GPC6: variants seen among roughly 807,000 people sequenced by gnomAD.
GPC6 encodes the protein glypican-6.
Under a neutral mutation model 55.2 loss-of-function variants are expected in GPC6, and 14 were observed. That is an observed-to-expected ratio of 0.25 (90% CI 0.17 to 0.40). The LOEUF (loss-of-function observed/expected upper bound fraction) is 0.40, where lower values mean the gene tolerates loss of function less well. GPC6 is among the 10% of genes least tolerant of loss of function. GPC6 has a pLI of 1.00. For missense variants in GPC6, 641 were observed against 708.5 expected (o/e 0.90, Z 1.08); for synonymous variants, 278 against 259.6 (o/e 1.07, Z -0.68).
At chr13:93,439,404 A>C (rs2139285833) in intron 1 of GPC6, among the ~76,000 whole-genome samples, 1 of 152,230 alleles carries the variant, frequency 6.6e-6, no homozygotes, top group Non-Finnish European at 1.5e-5. Flanking sequence ...AAGTCTCATA[A>C]GATTTGATGA....
intron 2 of GPC6, among the ~76,000 whole-genome samples, chr13:93,580,899 T>C (rs1045804303): frequency 3.9e-5 from 6 of 152,298 alleles, no homozygotes; most frequent in African/African-American, 1.4e-4. Flanking sequence ...TTTTACAAAA[T>C]GTATTGTTCT....
intron 3 of GPC6, among the ~76,000 whole-genome samples, chr13:93,839,197 G>A (rs1271652276): frequency 6.6e-6 from 1 of 152,060 alleles, no homozygotes; most frequent in Admixed American, 6.5e-5. Context: ...TTAATTGGTT[G>A]GGAAGTTAAC....
chr13:93,785,526 G>A (rs1236656255), intron 2 of GPC6, among the ~76,000 whole-genome samples: 1 of 152,182 alleles, frequency 6.6e-6, no homozygotes, highest in Non-Finnish European at 1.5e-5. Context: ...GATTTGAGAA[G>A]CATCAATTTC....
intron 3 of GPC6, among the ~76,000 whole-genome samples, chr13:93,865,651 T>C (rs1349872321): frequency 6.6e-6 from 1 of 151,724 alleles, no homozygotes; most frequent in Non-Finnish European, 1.5e-5. Flanking sequence ...TATATTTACC[T>C]TCTCTCATCA....
intron 6 of GPC6, among the ~76,000 whole-genome samples, chr13:94,353,550 A>G (rs201238700): frequency 1.3e-5 from 2 of 152,142 alleles, no homozygotes; most frequent in East Asian, 1.9e-4. Context: ...CTGAGAAAAA[A>G]GAGTGAAAGT....
chr13:93,693,774 A>C (rs988522074), intron 2 of GPC6, among the ~76,000 whole-genome samples: 2 of 152,158 alleles, frequency 1.3e-5, no homozygotes, highest in Non-Finnish European at 2.9e-5. Context: ...GGAGTGAACC[A>C]CTGTGCCCAG....
chr13:93,886,364 A>G (rs554269743), intron 3 of GPC6, among the ~76,000 whole-genome samples: 7 of 152,016 alleles, frequency 4.6e-5, no homozygotes, highest in Non-Finnish European at 8.8e-5. Context: ...GATTGCCACA[A>G]TTTGGTTATT....
At chr13:94,362,832 T>C (rs1879119583) in intron 6 of GPC6, among the ~76,000 whole-genome samples, 1 of 152,132 alleles carries the variant, frequency 6.6e-6, no homozygotes, top group Non-Finnish European at 1.5e-5. Context: ...TTTGAGAAAA[T>C]TAATTTTCAA....
At chr13:93,702,314 T>C (rs191228692) in intron 2 of GPC6, among the ~76,000 whole-genome samples, 210 of 152,110 alleles carry the variant, frequency 1.4e-3, no homozygotes, top group African/African-American at 4.9e-3. Context: ...AAATAGTAGG[T>C]CTCAACAGTG....
intron 1 of GPC6, among the ~76,000 whole-genome samples, chr13:93,543,648 G>A (rs886420630): frequency 3.9e-5 from 6 of 151,998 alleles, no homozygotes; most frequent in Non-Finnish European, 4.4e-5. Context: ...TGAATCCATC[G>A]GGATATCATC....
chr13:93,878,844 G>A (rs997026741), intron 3 of GPC6, among the ~76,000 whole-genome samples: 4 of 152,062 alleles, frequency 2.6e-5, no homozygotes, highest in Non-Finnish European at 5.9e-5. Flanking sequence ...AAATTACCCT[G>A]TTGGCAGTAT....
intron 1 of GPC6, among the ~76,000 whole-genome samples, chr13:93,422,846 G>C (rs542612417): frequency 4.6e-5 from 7 of 152,122 alleles, no homozygotes; most frequent in Admixed American, 6.6e-5. Flanking sequence ...TGCTCTTGAT[G>C]GTTCTAGTTA....
chr13:93,613,323 G>A (rs1189965813), intron 2 of GPC6, among the ~76,000 whole-genome samples: 1 of 152,134 alleles, frequency 6.6e-6, no homozygotes, highest in Non-Finnish European at 1.5e-5. Context: ...CTAAGTGATT[G>A]CTGTGGATTA....
At chr13:94,059,333 G>GTCC (rs1884243134) in intron 4 of GPC6, among the ~76,000 whole-genome samples, 1 of 151,884 alleles carries the variant, frequency 6.6e-6, no homozygotes, top group Non-Finnish European at 1.5e-5. Context: ...TGCCTACATG[G>GTCC]AAGGAAATGT....
At chr13:94,095,918 T>C (rs1447978373) in intron 4 of GPC6, among the ~76,000 whole-genome samples, 2 of 152,132 alleles carry the variant, frequency 1.3e-5, no homozygotes, top group Non-Finnish European at 2.9e-5. Flanking sequence ...CAGGCCTGTG[T>C]GGACAGAAGT....
chr13:94,001,034 A>T (rs550872010), intron 3 of GPC6, among the ~76,000 whole-genome samples: 9 of 152,302 alleles, frequency 5.9e-5, no homozygotes, highest in African/African-American at 2.2e-4. Context: ...ACCTCCTATA[A>T]AAAGGCCTTA....
intron 4 of GPC6, among the ~76,000 whole-genome samples, chr13:94,240,555 A>G (rs1891026221): frequency 6.6e-6 from 1 of 152,152 alleles, no homozygotes. Flanking sequence ...AGTTGGAGAA[A>G]CAACAGCAAC....
intron 1 of GPC6, chr13:93,395,371 C>T (rs1197260137): frequency 2.4e-5 from 9 of 380,894 alleles, no homozygotes; most frequent in East Asian, 1.8e-4. Context: ...GATGGTATTT[C>T]GGAATGACAA....
At chr13:93,223,861 T>G (rs1445108010), upstream of GPC6, among the ~76,000 whole-genome samples, 1 of 151,802 alleles carries the variant, frequency 6.6e-6, no homozygotes, top group Non-Finnish European at 1.5e-5. Flanking sequence ...CATCGTCCTA[T>G]TCTAGGTATC....
Sources: allele counts gnomAD v4.1 joint callset (sites outside exome capture counted in the v4.1 genomes callset), GRCh38; gene constraint gnomAD v4.1.1; transcripts MANE v1.5; gene names NCBI Gene and HGNC (gene_info 2026-07-23, HGNC 2026-07-21).